ZKSCAN1: variants seen among roughly 807,000 people sequenced by gnomAD.
ZKSCAN1 encodes zinc finger with KRAB and SCAN domains 1.
Under a neutral mutation model 51.6 loss-of-function variants are expected in ZKSCAN1, and 14 were observed. That is an observed-to-expected ratio of 0.27 (90% CI 0.18 to 0.42). ZKSCAN1 has a LOEUF of 0.42. ZKSCAN1 is among the 10% of genes least tolerant of loss of function. ZKSCAN1 has a pLI of 1.00. For synonymous variants in ZKSCAN1, 263 were observed against 261.5 expected, an observed-to-expected ratio of 1.01 and a Z score of -0.06; for missense variants, 531 against 710.0, an observed-to-expected ratio of 0.75 and a Z score of 2.86.
chr7:100,024,092 T>C (rs1342387151), intron 2 of ZKSCAN1, 62 bp from the exon 3 acceptor site: 3 of 1,556,600 alleles, frequency 1.9e-6, no homozygotes, highest in South Asian at 2.5e-5. Context: ...GGTCTGTTTT[T>C]AAATATTTTA....
chr7:100,023,682 T>G lies in ZKSCAN1; in HGVS notation c.176T>G (p.Phe59Cys). The change falls in exon 2 of 6, where the codon TTC (phenylalanine) becomes TGC (cysteine). Residue 59 changes from phenylalanine (F) to cysteine (C), a missense_variant. Phe to Cys is a radical substitution (Grantham distance 205, BLOSUM62 -2). Transcript: ENST00000324306. Reference sequence around the variant, plus strand: ...GACCCAGAGATATTCCGCCAACGCTTCAGGCGCTTCTGTTACCAGAACACT... The same window carrying G: ...GACCCAGAGATATTCCGCCAACGCTGCAGGCGCTTCTGTTACCAGAACACT... ...PPDPEIFRQRFRRFCYQNTFG... is the reference protein window; with the variant it reads ...PPDPEIFRQRCRRFCYQNTFG... The G allele has an allele frequency of 6.2e-7, 1 of 1,614,180 alleles. No individual in the cohort carries two copies. The highest frequency in any genetic ancestry group is 8.5e-7 in the Non-Finnish European group (1 of 1,180,036).
downstream of ZKSCAN1, among the ~76,000 whole-genome samples, chr7:100,043,467 C>T (rs184136539): frequency 2.0e-5 from 3 of 147,080 alleles, no homozygotes; most frequent in East Asian, 6.4e-4. Context: ...GCAACCTCAA[C>T]CTCCTGGACT....
chr7:100,043,982 G>A (rs1380827834), downstream of ZKSCAN1, among the ~76,000 whole-genome samples: 1 of 151,610 alleles, frequency 6.6e-6, no homozygotes, highest in Non-Finnish European at 1.5e-5. Context: ...TCGCCATGTT[G>A]GCCAGGCTGG....
At chr7:100,024,477 C>G in intron 3 of ZKSCAN1, 170 bp downstream of exon 3, 1 of 826,998 alleles carries the variant, frequency 1.2e-6, no homozygotes, top group Non-Finnish European at 1.8e-6. Flanking sequence ...ACCTGTGATT[C>G]CAGCTACGCA....
At chr7:100,016,094 C>A (rs945318773) in intron 1 of ZKSCAN1, among the ~76,000 whole-genome samples, 7 of 152,202 alleles carry the variant, frequency 4.6e-5, no homozygotes, top group African/African-American at 1.7e-4. Context: ...TCTGCTCTCC[C>A]TTAGTCGCCA....
At chr7:100,023,169 C>T (rs922660758) in intron 1 of ZKSCAN1, among the ~76,000 whole-genome samples, 1 of 152,120 alleles carries the variant, frequency 6.6e-6, no homozygotes, top group Non-Finnish European at 1.5e-5. Context: ...TGCCACCATG[C>T]CCTGCTGACT....
chr7:100,036,988 T>C lies in ZKSCAN1; in HGVS notation c.*2791T>C, dbSNP rs1791391015. The C allele has an allele frequency of 1.0e-6, 1 of 985,298 alleles. No individual in the cohort carries two copies. Among genetic ancestry groups the C allele is most frequent in the Non-Finnish European group, 1.2e-6 (1 of 829,928 alleles). 61.0% of individuals were successfully genotyped at this position (985,298 alleles called of 1,614,324 possible). A position where few individuals can be genotyped will look rare whatever the true frequency, so the allele number is the denominator to read the frequency against. ...CCTGACTTTGTTGGATAGCTGCCAC[T>C]AGGGTTGCTTCGATCTTCAGCCACA... On this transcript the variant is annotated 3_prime_UTR_variant, in exon 6 of 6. Transcript: ENST00000324306.
rs754307031 is a variant in ZKSCAN1, at chr7:100,030,252, A to T, written c.676A>T (p.Met226Leu). 1.2e-6 allele frequency: 2 copies of T among 1,613,852 alleles called. No individual in the cohort carries two copies. Among genetic ancestry groups the T allele is most frequent in the Non-Finnish European group, 1.7e-6 (2 of 1,179,838 alleles). ...SALFTADSQA[M>L]VKIEDMAVSL... ...TGTTTGTCTCGTGTTATTTTAGGCA[A>T]TGGTGAAGATCGAGGACATGGCTGT... The change falls in exon 5 of 6, where the codon ATG becomes TTG. Residue 226 changes from methionine (M) to leucine (L), a missense_variant. Coordinates refer to ENST00000324306, the MANE Select transcript of ZKSCAN1 (RefSeq NM_003439.4).
rs549836722 is a variant in ZKSCAN1, at chr7:100,023,854, G to T, written c.348G>T (p.Leu116=). The T allele has an allele frequency of 3.1e-6, 5 of 1,613,916 alleles. No individual in the cohort carries two copies. The African/African-American group carries it at 6.7e-5, about 22-fold the overall frequency. ...TGCCCAAGGAGCTCCAGGTCTGGCT[G>T]CAGGAATACCGCCCCGATAGTGGAG... The part of the protein sequence containing the change: ...SILPKELQVW[L]QEYRPDSGEE... Residue 116 remains leucine, a synonymous_variant, in exon 2 of 6, where the codon CTG becomes CTT. Coordinates refer to ENST00000324306, the MANE Select transcript of ZKSCAN1 (RefSeq NM_003439.4).
chr7:100,037,133 G>A lies in ZKSCAN1; in HGVS notation c.*2936G>A. 3 of 985,400 alleles carry A rather than the reference G, an allele frequency of 3.0e-6. No individual in the cohort carries two copies. Among genetic ancestry groups the A allele is most frequent in the Non-Finnish European group, 3.6e-6 (3 of 829,926 alleles). 61.0% of individuals were successfully genotyped at this position (985,400 alleles called of 1,614,324 possible). On this transcript the variant is annotated 3_prime_UTR_variant, in exon 6 of 6. Coordinates refer to ENST00000324306, the MANE Select transcript of ZKSCAN1 (RefSeq NM_003439.4). ...GATGCTCAGTGCAAAGTGTAATTGG[G>A]TCATGGTCAAAAACGCTTGCAACAT...
chr7:100,015,773 G>C (rs911244338), intron 1 of ZKSCAN1, 47 bp downstream of exon 1: 1 of 152,340 alleles, frequency 6.6e-6, no homozygotes, highest in Admixed American at 6.5e-5. Flanking sequence ...GGGCCGCAAG[G>C]GTGTGTGCGC....
chr7:100,031,917 A>G (rs1791124068), intron 5 of ZKSCAN1, among the ~76,000 whole-genome samples: 1 of 152,164 alleles, frequency 6.6e-6, no homozygotes, highest in Admixed American at 6.5e-5. Context: ...GTCTCTACAA[A>G]AAAATTTAAA....
In ZKSCAN1 at chr7:100,039,964, G is replaced by A; in HGVS notation, c.*5767G>A. On this transcript the variant is annotated 3_prime_UTR_variant, in exon 6 of 6. Coordinates refer to ENST00000324306, the MANE Select transcript of ZKSCAN1 (RefSeq NM_003439.4). Reference sequence around the variant, plus strand: ...TTTAATAAAAGGCATTATTTGAAAAGTTTTTCTAACATAGATTTAGGGTTT... The same window carrying A: ...TTTAATAAAAGGCATTATTTGAAAAATTTTTCTAACATAGATTTAGGGTTT... 6.3e-6 allele frequency: 6 copies of A among 957,236 alleles called. No individual in the cohort carries two copies. Among genetic ancestry groups the A allele is most frequent in the Non-Finnish European group, 7.5e-6 (6 of 804,900 alleles). The allele number at this position is 957,236 out of a possible 1,614,324, so 59.3% of individuals were successfully genotyped here.
chr7:100,037,151 T>C lies in ZKSCAN1; in HGVS notation c.*2954T>C. The C allele has an allele frequency of 1.0e-6, 1 of 985,352 alleles. No individual in the cohort carries two copies. Among genetic ancestry groups the C allele is most frequent in the Non-Finnish European group, 1.2e-6 (1 of 829,844 alleles). 61.0% of individuals were successfully genotyped at this position (985,352 alleles called of 1,614,324 possible). On this transcript the variant is annotated 3_prime_UTR_variant, in exon 6 of 6. Coordinates refer to ENST00000324306, the MANE Select transcript of ZKSCAN1 (RefSeq NM_003439.4). Reference sequence around the variant, plus strand: ...TAATTGGGTCATGGTCAAAAACGCTTGCAACATCTAATTGGCGTTCAAGAT... The same window carrying C: ...TAATTGGGTCATGGTCAAAAACGCTCGCAACATCTAATTGGCGTTCAAGAT...
At chr7:100,022,592 A>G (rs1343213117) in intron 1 of ZKSCAN1, among the ~76,000 whole-genome samples, 1 of 152,156 alleles carries the variant, frequency 6.6e-6, no homozygotes, top group East Asian at 1.9e-4. Flanking sequence ...TGCCCAAGTC[A>G]CTCATAAAAA....
At chr7:100,024,355 G>A in intron 3 of ZKSCAN1, 48 bp downstream of exon 3, 1 of 1,599,546 alleles carries the variant, frequency 6.3e-7, no homozygotes, top group Non-Finnish European at 8.5e-7. Context: ...TTCAGGACGA[G>A]AGTCTTTGTG....
At position 100,041,212 on chromosome 7, in the gene ZKSCAN1, C is replaced by T. The variant is rs1017796905; in HGVS notation, c.*7015C>T. Reference sequence around the variant, plus strand: ...GAATAAATTAGACCAAAAGAAGAAACGTGCTTGTCTCTGTATACCCGCAGA... The same window carrying T: ...GAATAAATTAGACCAAAAGAAGAAATGTGCTTGTCTCTGTATACCCGCAGA... On this transcript the variant is annotated 3_prime_UTR_variant, in exon 6 of 6. Transcript: ENST00000324306. 1.0e-5 allele frequency: 8 copies of T among 766,054 alleles called. No homozygotes were observed. The highest frequency in any genetic ancestry group is 1.9e-5 in the African/African-American group (1 of 52,878). 47.5% of individuals were successfully genotyped at this position (766,054 alleles called of 1,614,324 possible). A position where few individuals can be genotyped will look rare whatever the true frequency, so the allele number is the denominator to read the frequency against.
At chr7:100,027,747 C>CAAA (rs1199868325) in intron 3 of ZKSCAN1, among the ~76,000 whole-genome samples, 1 of 68,396 alleles carries the variant, frequency 1.5e-5, no homozygotes, top group Non-Finnish European at 3.0e-5. Flanking sequence ...GATGCTGTCT[C>CAAA]AAAAAAAAAA....
At chr7:100,042,323 A>G (rs1791619969), downstream of ZKSCAN1, among the ~76,000 whole-genome samples, 1 of 143,940 alleles carries the variant, frequency 6.9e-6, no homozygotes, top group Non-Finnish European at 1.5e-5. Flanking sequence ...TGTCTCAAAA[A>G]AAAAAAAAAA....
Sources: gnomAD v4.1 joint callset for allele counts (sites outside exome capture counted in the v4.1 genomes callset) on GRCh38, gnomAD v4.1.1 for gene constraint, MANE v1.5 for transcripts, NCBI Gene and HGNC (gene_info 2026-07-23, HGNC 2026-07-21) for gene names.